Variants in RBMS3 observed in about 807,000 individuals in gnomAD.
RBMS3 encodes RNA binding motif single stranded interacting protein 3, also known as RNA-binding motif, single-stranded-interacting protein 3.
A neutral mutation model predicts 66.8 loss-of-function variants in RBMS3; 27 were observed. That is an observed-to-expected ratio of 0.40 (90% CI 0.30 to 0.56). RBMS3 has a LOEUF of 0.56. RBMS3 is among the 20% of genes least tolerant of loss of function. The pLI is 0.40. For missense variants in RBMS3, 513 were observed against 549.5 expected, an observed-to-expected ratio of 0.93 and a Z score of 0.66; for synonymous variants, 188 against 183.0, an observed-to-expected ratio of 1.03 and a Z score of -0.22.
chr3:29,816,995 G>A (rs902063563), intron 6 of RBMS3, among the ~76,000 whole-genome samples: 2 of 152,040 alleles, frequency 1.3e-5, no homozygotes, highest in Admixed American at 6.6e-5. Context: ...GGAGGCTGAG[G>A]CAAGAGAATC....
At chr3:29,781,916 C>T (rs991536974) in intron 6 of RBMS3, among the ~76,000 whole-genome samples, 1 of 152,008 alleles carries the variant, frequency 6.6e-6, no homozygotes, top group Non-Finnish European at 1.5e-5. Flanking sequence ...CAGCCACAAT[C>T]CCCCCGGGAA....
chr3:29,924,869 A>T (rs2060891598), intron 10 of RBMS3: 1 of 152,224 alleles, frequency 6.6e-6, no homozygotes, highest in Admixed American at 6.6e-5. Flanking sequence ...AGAGAGAGAG[A>T]GAGAACAGAT....
chr3:29,876,968 G>T (rs1430120936), intron 7 of RBMS3, among the ~76,000 whole-genome samples: 4 of 152,154 alleles, frequency 2.6e-5, no homozygotes, highest in African/African-American at 9.7e-5. Context: ...TCTCACAAGA[G>T]CAATCCTCAT....
chr3:29,657,766 C>A (rs2050377915), intron 4 of RBMS3, among the ~76,000 whole-genome samples: 1 of 152,096 alleles, frequency 6.6e-6, no homozygotes, highest in South Asian at 2.1e-4. Context: ...TGTTCTTGCT[C>A]TTTTAACTCA....
intron 1 of RBMS3, among the ~76,000 whole-genome samples, chr3:29,285,104 T>C (rs2032186258): frequency 6.6e-6 from 1 of 151,146 alleles, no homozygotes; most frequent in Admixed American, 6.6e-5. Flanking sequence ...ATACAAAATG[T>C]TTGATTAGTT....
At chr3:29,784,557 A>C (rs1177707200) in intron 6 of RBMS3, among the ~76,000 whole-genome samples, 2 of 152,170 alleles carry the variant, frequency 1.3e-5, no homozygotes, top group Admixed American at 6.5e-5. Context: ...GAAAGTTCAT[A>C]GCATTAAATG....
chr3:29,605,063 T>C (rs1029210001), intron 4 of RBMS3, among the ~76,000 whole-genome samples: 2 of 151,974 alleles, frequency 1.3e-5, no homozygotes, highest in African/African-American at 4.8e-5. Context: ...TTGCATTGAA[T>C]ATTATGGTTC....
At chr3:29,994,952 G>A (rs1242818150) in intron 14 of RBMS3, among the ~76,000 whole-genome samples, 10 of 152,182 alleles carry the variant, frequency 6.6e-5, no homozygotes, top group Non-Finnish European at 1.3e-4. Flanking sequence ...AGAGAAGAAG[G>A]CTTCAGAAGA....
intron 3 of RBMS3, among the ~76,000 whole-genome samples, chr3:29,568,494 G>A (rs1413517692): frequency 6.6e-6 from 1 of 152,252 alleles, no homozygotes; most frequent in Admixed American, 6.5e-5. Context: ...AGATGAGGGA[G>A]TTGGAGAGAG....
chr3:29,735,701 T>A (rs2054349683), intron 4 of RBMS3, among the ~76,000 whole-genome samples: 3 of 152,226 alleles, frequency 2.0e-5, no homozygotes, highest in Admixed American at 2.0e-4. Context: ...TATTTTTGTC[T>A]CTATAATATT....
At chr3:29,312,431 G>T (rs780191000) in intron 1 of RBMS3, among the ~76,000 whole-genome samples, 11 of 151,646 alleles carry the variant, frequency 7.3e-5, no homozygotes, top group Non-Finnish European at 1.6e-4. Flanking sequence ...AGAGTGATCA[G>T]GGGAAGGCAA....
At chr3:29,358,570 C>T (rs1452290002) in intron 1 of RBMS3, among the ~76,000 whole-genome samples, 3 of 152,010 alleles carry the variant, frequency 2.0e-5, no homozygotes, top group Non-Finnish European at 4.4e-5. Context: ...TAGTTTTTTC[C>T]AATTCTGTGA....
chr3:29,572,459 G>T (rs2046981425), intron 3 of RBMS3, among the ~76,000 whole-genome samples: 1 of 152,038 alleles, frequency 6.6e-6, no homozygotes, highest in African/African-American at 2.4e-5. Context: ...CTAGTTTTTT[G>T]AGGGTTTTTA....
intron 4 of RBMS3, among the ~76,000 whole-genome samples, chr3:29,678,220 C>A (rs1306635889): frequency 6.6e-6 from 1 of 151,960 alleles, no homozygotes; most frequent in Non-Finnish European, 1.5e-5. Flanking sequence ...ATTCTAGTGA[C>A]TTGGGGATGG....
At chr3:29,514,676 TATATGATAGGCATAC>T (rs1475665308) in intron 3 of RBMS3, among the ~76,000 whole-genome samples, 1 of 144,272 alleles carries the variant, frequency 6.9e-6, no homozygotes, top group Non-Finnish European at 1.5e-5. Context: ...TATATATATA[TATATGATAGGCATAC>T]ATATATATGA....
rs939610455 is a variant in RBMS3, at chr3:30,007,131, T to C, written c.*3269T>C. 6.6e-6 allele frequency: 1 copy of C among 152,014 alleles called. No individual in the cohort carries two copies. The highest frequency in any genetic ancestry group is 1.5e-5 in the Non-Finnish European group (1 of 67,928). 9.4% of individuals were successfully genotyped at this position (152,014 alleles called of 1,614,324 possible). A position where few individuals can be genotyped will look rare whatever the true frequency, so the allele number is the denominator to read the frequency against. On this transcript the variant is annotated 3_prime_UTR_variant, in exon 15 of 15. Coordinates refer to ENST00000383767, the MANE Select transcript of RBMS3 (RefSeq NM_001003793.3). ...AAGACTTGTTTTGAAGAGCCAAGTC[T>C]GGGAGAGAAAAAAAAGCATCAACAG...
Position 29,467,966 on chromosome 3 carries a change from T to C in RBMS3, c.249-20475T>C, listed in dbSNP as rs577466654. Among the ~76,000 whole-genome samples the C allele has an allele frequency of 3.9e-5, 6 of 152,280 alleles. No individual in the cohort carries two copies. In the South Asian group the frequency reaches 1.0e-3, roughly 26 times the overall value. ...AATAAGTGAGAATCTATTAAGAACT[T>C]TTTTCTTGGTAGAGGACTAAATAAT... On this transcript the variant is annotated intron_variant, in intron 2 of 14. Coordinates refer to ENST00000383767, the MANE Select transcript of RBMS3 (RefSeq NM_001003793.3).
At chr3:29,764,706 T>C (rs889329967) in intron 6 of RBMS3, among the ~76,000 whole-genome samples, 1 of 151,982 alleles carries the variant, frequency 6.6e-6, no homozygotes, top group Non-Finnish European at 1.5e-5. Context: ...TATTTGGTTT[T>C]CCCCAATGAA....
chr3:29,417,261 A>T (rs1050629735), intron 1 of RBMS3, among the ~76,000 whole-genome samples: 2 of 151,946 alleles, frequency 1.3e-5, no homozygotes, highest in African/African-American at 2.4e-5. Flanking sequence ...TTATATTTAT[A>T]AATTTTATTC....
Sources: allele counts gnomAD v4.1 joint callset (sites outside exome capture counted in the v4.1 genomes callset), GRCh38; gene constraint gnomAD v4.1.1; transcripts MANE v1.5; gene names NCBI Gene and HGNC (gene_info 2026-07-23, HGNC 2026-07-21).